NAV3: variants seen among roughly 807,000 people sequenced by gnomAD.
NAV3 encodes pore membrane and/or filament interacting like protein 1.
NAV3 carries 87 observed loss-of-function variants against 244.7 expected under a neutral mutation model. The ratio of observed to expected loss-of-function variants is 0.36; its 90% CI spans 0.30 to 0.42. The LOEUF (loss-of-function observed/expected upper bound fraction) is 0.42. Ranked by LOEUF, NAV3 falls within the 20% of genes least tolerant of loss-of-function variation. NAV3 has a pLI of 1.00. For synonymous variants in NAV3, 1,126 were observed against 1,042.2 expected, an observed-to-expected ratio of 1.08 and a Z score of -1.55; for missense variants, 2,663 against 2,893.3, an observed-to-expected ratio of 0.92 and a Z score of 1.83.
chr12:77,715,723 C>T (rs1055379075), intron 2 of NAV3, among the ~76,000 whole-genome samples: 2 of 151,954 alleles, frequency 1.3e-5, no homozygotes, highest in African/African-American at 4.8e-5. Flanking sequence ...GAAACAGGCA[C>T]ATACAGGCTG....
chr12:77,624,461 C>G (rs569037907), intron 2 of NAV3, among the ~76,000 whole-genome samples: 3 of 152,138 alleles, frequency 2.0e-5, no homozygotes, highest in African/African-American at 7.2e-5. Context: ...AGGATCCAGT[C>G]TGATGTTTCA....
chr12:78,126,855 G>C (rs534977032), intron 16 of NAV3, among the ~76,000 whole-genome samples: 128 of 152,202 alleles, frequency 8.4e-4, no homozygotes, highest in African/African-American at 2.9e-3. Context: ...CAGTTGCATA[G>C]GGAAGGAAAA....
intron 3 of NAV3, among the ~76,000 whole-genome samples, chr12:77,943,161 A>G (rs1890035372): frequency 6.6e-6 from 1 of 152,198 alleles, no homozygotes; most frequent in South Asian, 2.1e-4. Flanking sequence ...GAGATTCTAC[A>G]AATCTGTGAA....
intron 2 of NAV3, among the ~76,000 whole-genome samples, chr12:77,609,722 G>A (rs983756213): frequency 6.7e-6 from 1 of 149,312 alleles, no homozygotes; most frequent in South Asian, 2.1e-4. Context: ...CTTTCCCTGA[G>A]TGACAAGTTG....
chr12:77,654,121 G>T (rs906719974), intron 2 of NAV3, among the ~76,000 whole-genome samples: 1 of 152,158 alleles, frequency 6.6e-6, no homozygotes, highest in African/African-American at 2.4e-5. Context: ...GTGGGTGCAC[G>T]CACCGTGCGT....
intron 5 of NAV3, among the ~76,000 whole-genome samples, chr12:77,970,390 C>T (rs1241212498): frequency 1.3e-5 from 2 of 152,122 alleles, no homozygotes; most frequent in East Asian, 1.9e-4. Flanking sequence ...GAAATCACTT[C>T]TCTTTCATCT....
At position 77,770,541 on chromosome 12, in the gene NAV3, A is replaced by C. The variant is rs139642197; in HGVS notation, c.73-169778A>C. On this transcript the variant is annotated intron_variant, in intron 2 of 8. Transcript: ENST00000550042. ...AGACTCAGAAAGCTGAATGTGCCTT[A>C]GAGGCAGCTTGCCCCAGTGGTTGCC... Among the ~76,000 whole-genome samples, 434 of 152,342 alleles carry C rather than the reference A, an allele frequency of 2.8e-3. 4 individuals are homozygous for C. The highest frequency in any genetic ancestry group is 9.9e-3 in the African/African-American group (412 of 41,590).
Position 77,746,865 on chromosome 12 carries a change from C to G in NAV3, c.72+174599C>G, listed in dbSNP as rs537694079. On this transcript the variant is annotated intron_variant, in intron 2 of 8. Coordinates refer to the NAV3 transcript ENST00000550042. ...ACAATGGCTTATTTTTCCTGTGTTA[C>G]TATTTCTACTTCTTAGTTCTGCTGC... is the stretch of plus-strand genomic sequence containing the variant. 4.6e-5 allele frequency among the ~76,000 whole-genome samples: 7 copies of G among 152,196 alleles called. 1 individual carries two copies. The South Asian group carries it at 1.2e-3, about 27-fold the overall frequency.
chr12:77,740,457 G>T (rs1647254769), intron 2 of NAV3, among the ~76,000 whole-genome samples: 1 of 151,910 alleles, frequency 6.6e-6, no homozygotes, highest in Admixed American at 6.6e-5. Flanking sequence ...AAATCCATAG[G>T]AAAAAATGTG....
intron 9 of NAV3, among the ~76,000 whole-genome samples, chr12:78,031,937 A>G (rs1018379951): frequency 2.0e-5 from 3 of 151,982 alleles, no homozygotes; most frequent in Non-Finnish European, 4.4e-5. Context: ...TTTCCACTAC[A>G]CCTAAAACTA....
At chr12:77,594,056 A>C in intron 2 of NAV3, among the ~76,000 whole-genome samples, 1 of 152,178 alleles carries the variant, frequency 6.6e-6, no homozygotes, top group East Asian at 1.9e-4. Context: ...GCCAATGACT[A>C]AAAAATTTAT....
intron 20 of NAV3, chr12:78,143,456 C>A (rs1030590630): frequency 7.7e-6 from 3 of 391,360 alleles, no homozygotes; most frequent in African/African-American, 2.2e-5. Context: ...CATGGCAAAA[C>A]CCCGTCTCTA....
At chr12:77,602,266 G>C (rs764297094) in intron 2 of NAV3, among the ~76,000 whole-genome samples, 1 of 152,022 alleles carries the variant, frequency 6.6e-6, no homozygotes, top group Non-Finnish European at 1.5e-5. Flanking sequence ...AATTATTAAA[G>C]AGAGGGCAAA....
chr12:78,196,444 G>A (rs764989617), intron 34 of NAV3, among the ~76,000 whole-genome samples: 19 of 151,904 alleles, frequency 1.3e-4, no homozygotes, highest in Non-Finnish European at 2.1e-4. Context: ...CCCTGAGCAC[G>A]ATTTGCAAAT....
At chr12:78,075,034 A>G (rs1352898012) in intron 12 of NAV3, among the ~76,000 whole-genome samples, 1 of 152,156 alleles carries the variant, frequency 6.6e-6, no homozygotes, top group Non-Finnish European at 1.5e-5. Flanking sequence ...AAATATTGAG[A>G]AGAACTTTTT....
rs552350307 is a variant in NAV3, at chr12:77,950,348, C to T, written c.414+9215C>T. Among the ~76,000 whole-genome samples, 11 of 152,152 alleles carry T rather than the reference C, an allele frequency of 7.2e-5. No individual in the cohort carries two copies. In the South Asian group the frequency reaches 2.3e-3, roughly 32 times the overall value. On this transcript the variant is annotated intron_variant, in intron 3 of 39. Coordinates refer to ENST00000397909, the MANE Select transcript of NAV3 (RefSeq NM_001024383.2). ...GTCAATGTTCTGGATTTTGGCCGTCCTAATAGATTTGTAGTGGCATTTCAT... is the reference window on the plus strand; with the variant it reads ...GTCAATGTTCTGGATTTTGGCCGTCTTAATAGATTTGTAGTGGCATTTCAT...
At chr12:77,900,984 T>C (rs894302034) in intron 1 of NAV3, among the ~76,000 whole-genome samples, 6 of 152,230 alleles carry the variant, frequency 3.9e-5, no homozygotes, top group African/African-American at 1.4e-4. Flanking sequence ...TGATGATTAG[T>C]GAGGTGGAAC....
intron 12 of NAV3, among the ~76,000 whole-genome samples, chr12:78,069,795 T>C (rs1041387928): frequency 4.6e-5 from 7 of 151,968 alleles, no homozygotes; most frequent in Non-Finnish European, 8.8e-5. Context: ...CGTGTGTGTA[T>C]GTTAGTGTGG....
At chr12:77,989,327 C>A (rs1429989071) in intron 5 of NAV3, among the ~76,000 whole-genome samples, 1 of 152,154 alleles carries the variant, frequency 6.6e-6, no homozygotes, top group Non-Finnish European at 1.5e-5. Context: ...GTCTCACTAA[C>A]TTACACATAC....
Sources: gnomAD v4.1 joint callset for allele counts (sites outside exome capture counted in the v4.1 genomes callset) on GRCh38, gnomAD v4.1.1 for gene constraint, MANE v1.5 for transcripts, NCBI Gene and HGNC (gene_info 2026-07-23, HGNC 2026-07-21) for gene names.